The following TMEM132D variants were observed in gnomAD, a reference collection of about 807,000 sequenced individuals.
TMEM132D encodes the protein mature OL transmembrane protein.
TMEM132D carries 21 observed loss-of-function variants against 62.3 expected under a neutral mutation model. The observed-to-expected ratio is 0.34, with a 90% CI of 0.24 to 0.49. The LOEUF is 0.49. TMEM132D is among the 20% of genes least tolerant of loss of function. TMEM132D has a pLI of 0.99. For synonymous variants in TMEM132D, 621 were observed against 575.6 expected, an observed-to-expected ratio of 1.08 and a Z score of -1.13; for missense variants, 1,346 against 1,402.8, an observed-to-expected ratio of 0.96 and a Z score of 0.65.
chr12:129,718,515 G>A (rs142238653), intron 1 of TMEM132D, among the ~76,000 whole-genome samples: 16 of 152,302 alleles, frequency 1.1e-4, no homozygotes, highest in African/African-American at 3.1e-4. Context: ...AGCTTCACAC[G>A]TTTATATTTT....
intron 1 of TMEM132D, among the ~76,000 whole-genome samples, chr12:129,709,139 A>T (rs1181930988): frequency 2.0e-5 from 3 of 152,214 alleles, no homozygotes; most frequent in Admixed American, 6.5e-5. Context: ...TGCAAGTTTC[A>T]TAACAGCAAT....
rs1449260958 is a variant in TMEM132D at position 129,402,402 on chromosome 12, C to T, written c.1116-64585G>A. On this transcript the variant is annotated intron_variant, in intron 3 of 8. Coordinates refer to ENST00000422113, the MANE Select transcript of TMEM132D (RefSeq NM_133448.3). ...TAATCATCCGTCCCAGTAGGAAGAT[C>T]GGCTACAATCATCCCTCAGAATCCC... Among the ~76,000 whole-genome samples, 8 of 152,140 alleles carry T rather than the reference C, an allele frequency of 5.3e-5. No individual in the cohort carries two copies. In the South Asian group the frequency reaches 1.2e-3, roughly 24 times the overall value.
chr12:129,192,550 T>C (rs1241100612), intron 5 of TMEM132D, among the ~76,000 whole-genome samples: 2 of 152,274 alleles, frequency 1.3e-5, no homozygotes, highest in Admixed American at 1.3e-4. Context: ...GAAAGACTAA[T>C]CATGAAAAAT....
intron 4 of TMEM132D, among the ~76,000 whole-genome samples, chr12:129,224,413 T>C (rs951421180): frequency 1.3e-5 from 2 of 152,238 alleles, no homozygotes; most frequent in East Asian, 1.9e-4. Flanking sequence ...ATGGGAGAAA[T>C]TTTCAAAATG....
chr12:129,207,757 AT>A (rs55762140), intron 5 of TMEM132D, among the ~76,000 whole-genome samples: 41,820 of 150,206 alleles, frequency 0.28, 5,980 homozygotes, highest in Middle Eastern at 0.36. Flanking sequence ...AAGCCAGTGA[AT>A]TTTTTTTATA....
intron 5 of TMEM132D, among the ~76,000 whole-genome samples, chr12:129,192,038 A>C (rs188179543): frequency 1.3e-5 from 2 of 152,340 alleles, no homozygotes; most frequent in East Asian, 3.9e-4. Flanking sequence ...CTAAAGTCTG[A>C]ACCTGGCCCT....
At position 129,336,235 on chromosome 12, in the gene TMEM132D, G is replaced by T. The variant is rs59306280; in HGVS notation, c.1299+1399C>A. ...TCCTAATTGGTACACATGTCAAGGG[G>T]GTCTCCACTGAGATTTTTGTTTCTA... On this transcript the variant is annotated intron_variant, in intron 4 of 8. Transcript: ENST00000422113. Among the ~76,000 whole-genome samples, 10 of 152,196 alleles carry T rather than the reference G, an allele frequency of 6.6e-5. No individual in the cohort carries two copies. The East Asian group carries it at 1.9e-3, about 29-fold the overall frequency.
intron 2 of TMEM132D, among the ~76,000 whole-genome samples, chr12:129,675,449 G>GTA (rs1368556752): frequency 4.6e-5 from 7 of 152,100 alleles, no homozygotes; most frequent in Admixed American, 3.3e-4. Flanking sequence ...TAGATGATGG[G>GTA]TTGATGGGTG....
rs1425494108 is a variant in TMEM132D, at chr12:129,356,174, T to TTTTC, written c.1116-18358_1116-18357insGAAA. Reference sequence around the variant, plus strand: ...TTTTTTTTTTTTTTTTTTTTTTTTTTGAGACGGAGTCTCGCTCTGTCGCCC... The same window carrying TTTTC: ...TTTTTTTTTTTTTTTTTTTTTTTTTTTTTCGAGACGGAGTCTCGCTCTGTCGCCC... On this transcript the variant is annotated intron_variant, in intron 3 of 8. Transcript: ENST00000422113. 1.1e-4 allele frequency among the ~76,000 whole-genome samples: 6 copies of TTTTC among 54,990 alleles called. 2 individuals are homozygous for TTTTC. The highest frequency in any genetic ancestry group is 5.5e-4 in the African/African-American group (6 of 10,864). 36.1% of individuals were successfully genotyped at this position (54,990 alleles called of 152,430 possible). A position where few individuals can be genotyped will look rare whatever the true frequency, so the allele number is the denominator to read the frequency against.
At chr12:129,565,774 C>A (rs1156971027) in intron 2 of TMEM132D, among the ~76,000 whole-genome samples, 4 of 152,170 alleles carry the variant, frequency 2.6e-5, no homozygotes, top group Non-Finnish European at 5.9e-5. Context: ...CCTTAATAAA[C>A]CTTTTGCTTG....
At chr12:129,841,251 A>G (rs1001019733) in intron 1 of TMEM132D, among the ~76,000 whole-genome samples, 7 of 152,128 alleles carry the variant, frequency 4.6e-5, no homozygotes, top group Admixed American at 4.6e-4. Context: ...GAGAGCATCA[A>G]ATCTCAAAAG....
At chr12:129,777,906 G>A (rs1412584317) in intron 1 of TMEM132D, among the ~76,000 whole-genome samples, 1 of 152,036 alleles carries the variant, frequency 6.6e-6, no homozygotes, top group East Asian at 1.9e-4. Flanking sequence ...AGCCGAGGTG[G>A]GAGGATCACT....
intron 3 of TMEM132D, among the ~76,000 whole-genome samples, chr12:129,373,658 T>TAA (rs140469625): frequency 3.3e-5 from 5 of 150,778 alleles, no homozygotes; most frequent in Admixed American, 2.0e-4. Context: ...CAAAACAAAA[T>TAA]AAAAAAAACA....
At chr12:129,230,667 G>T (rs1486324574) in intron 4 of TMEM132D, among the ~76,000 whole-genome samples, 1 of 152,196 alleles carries the variant, frequency 6.6e-6, no homozygotes, top group Non-Finnish European at 1.5e-5. Flanking sequence ...ATCAGTTCCA[G>T]ATTCAGATCT....
chr12:129,145,556 A>G (rs1876871834), intron 5 of TMEM132D, among the ~76,000 whole-genome samples: 1 of 151,974 alleles, frequency 6.6e-6, no homozygotes, highest in South Asian at 2.1e-4. Context: ...GATGATCCCA[A>G]ATCTCTGTCT....
intron 4 of TMEM132D, among the ~76,000 whole-genome samples, chr12:129,247,877 T>A (rs868241435): frequency 5.3e-5 from 8 of 151,218 alleles, no homozygotes; most frequent in Middle Eastern, 3.4e-3. Flanking sequence ...TTTTTTTTTT[T>A]TATAATGATA....
At chr12:129,889,144 C>T (rs1367667928) in intron 1 of TMEM132D, among the ~76,000 whole-genome samples, 7 of 152,170 alleles carry the variant, frequency 4.6e-5, no homozygotes, top group Admixed American at 2.6e-4. Flanking sequence ...GATTCTAGGT[C>T]CGTAGAGCCT....
intron 1 of TMEM132D, among the ~76,000 whole-genome samples, chr12:129,755,348 T>C (rs1346548984): frequency 1.3e-5 from 2 of 152,226 alleles, no homozygotes; most frequent in Non-Finnish European, 2.9e-5. Flanking sequence ...CATACTGATA[T>C]TCTATTTTTA....
At chr12:129,523,380 T>C (rs1438894748) in intron 3 of TMEM132D, among the ~76,000 whole-genome samples, 1 of 152,212 alleles carries the variant, frequency 6.6e-6, no homozygotes, top group African/African-American at 2.4e-5. Context: ...AGTGTATTGA[T>C]GAAGCATTTT....
Sources: allele counts gnomAD v4.1 joint callset (sites outside exome capture counted in the v4.1 genomes callset), GRCh38; gene constraint gnomAD v4.1.1; transcripts MANE v1.5; gene names NCBI Gene and HGNC (gene_info 2026-07-23, HGNC 2026-07-21).